Variants in EFL1 observed in about 807,000 individuals in gnomAD.
EFL1 encodes the protein elongation factor like GTPase 1.
In EFL1, 76 loss-of-function variants were observed where a neutral mutation model predicts 126.7. That is an observed-to-expected ratio of 0.60 (90% CI 0.50 to 0.73). The LOEUF is 0.73. Among genes scored for constraint, EFL1 ranks in the 30% least tolerant of loss-of-function variants. The probability of loss-of-function intolerance (pLI) is 0.00; values close to 1 mark genes in which losing one functional copy is unlikely to be tolerated. For synonymous variants in EFL1, 410 were observed against 448.4 expected (o/e 0.91, Z 1.08); for missense variants, 1,128 against 1,343.2 (o/e 0.84, Z 2.50).
chr15:82,218,310 T>G (rs1442023768), intron 14 of EFL1, among the ~76,000 whole-genome samples: 3 of 151,446 alleles, frequency 2.0e-5, no homozygotes, highest in African/African-American at 4.9e-5. Flanking sequence ...ATATTTCAGG[T>G]TTTTTTTTAA....
intron 7 of EFL1, among the ~76,000 whole-genome samples, chr15:82,232,593 T>C (rs1028310017): frequency 3.9e-5 from 6 of 152,250 alleles, no homozygotes; most frequent in Non-Finnish European, 7.3e-5. Flanking sequence ...CAATTATCTA[T>C]ATGAAAATGA....
chr15:82,248,184 G>A (rs1373523942), intron 4 of EFL1, among the ~76,000 whole-genome samples: 4 of 152,172 alleles, frequency 2.6e-5, no homozygotes, highest in East Asian at 3.9e-4. Context: ...GTGAACTATC[G>A]TGTACCTAGT....
chr15:82,251,728 C>A (rs1319129366), intron 4 of EFL1, among the ~76,000 whole-genome samples: 1 of 152,112 alleles, frequency 6.6e-6, no homozygotes. Flanking sequence ...ACAGCCATGC[C>A]CCACACAGTA....
chr15:82,174,737 T>C (rs1316639802), intron 15 of EFL1, among the ~76,000 whole-genome samples: 1 of 152,162 alleles, frequency 6.6e-6, no homozygotes, highest in Non-Finnish European at 1.5e-5. Context: ...TTAGTCCCAC[T>C]GCCAAACCCT....
chr15:82,246,593 G>A (rs1255822357), intron 4 of EFL1, among the ~76,000 whole-genome samples: 8 of 152,044 alleles, frequency 5.3e-5, no homozygotes, highest in Admixed American at 4.6e-4. Context: ...AGACAAGAAA[G>A]ACTTGAGCAT....
intron 15 of EFL1, among the ~76,000 whole-genome samples, chr15:82,196,786 C>A (rs1404992020): frequency 6.6e-6 from 1 of 152,242 alleles, no homozygotes; most frequent in African/African-American, 2.4e-5. Flanking sequence ...GTAATCCCAG[C>A]ACTTTGGGAG....
At chr15:82,133,586 G>A (rs1164988162) in intron 19 of EFL1, among the ~76,000 whole-genome samples, 2 of 152,150 alleles carry the variant, frequency 1.3e-5, no homozygotes, top group African/African-American at 2.4e-5. Flanking sequence ...GGGGAAGGAG[G>A]GGTGAATGGC....
Position 82,173,971 on chromosome 15 carries a change from C to T in EFL1, c.1751-9987G>A, listed in dbSNP as rs145560373. ...TTGGGAGGCCGAAGCAGGCGGATCA[C>T]GAGGTCAGGAGATGGAGACCATCCT... is the stretch of plus-strand genomic sequence containing the variant. On this transcript the variant is annotated intron_variant, in intron 15 of 19. Coordinates refer to ENST00000268206, the MANE Select transcript of EFL1 (RefSeq NM_024580.6). Among the ~76,000 whole-genome samples the T allele has an allele frequency of 4.3e-3, 661 of 152,190 alleles. 4 individuals carry two copies. The highest frequency in any genetic ancestry group is 7.3e-3 in the Admixed American group (111 of 15,282).
At chr15:82,137,410 T>C (rs1222113023) in intron 19 of EFL1, among the ~76,000 whole-genome samples, 2 of 152,086 alleles carry the variant, frequency 1.3e-5, no homozygotes, top group Non-Finnish European at 2.9e-5. Flanking sequence ...CCCTGTGCAA[T>C]GAATGCCACA....
intron 2 of EFL1, 137 bp from the exon 3 acceptor site, chr15:82,259,292 AG>A (rs1446450272): frequency 2.8e-6 from 2 of 724,604 alleles, no homozygotes; most frequent in Non-Finnish European, 4.7e-6. Flanking sequence ...GTGACAAAAG[AG>A]ATTTATTAGA....
At chr15:82,188,270 C>A (rs1380759266) in intron 15 of EFL1, among the ~76,000 whole-genome samples, 2 of 152,100 alleles carry the variant, frequency 1.3e-5, no homozygotes, top group African/African-American at 4.8e-5. Flanking sequence ...GCGTCATTGT[C>A]TTTTAATTAA....
rs1595972470 is a variant in EFL1, at chr15:82,191,196, C to T, written c.1750+23521G>A. ...GCATTATTCACATTGCAGTAAGTTA[C>T]ACCCATTCACTGTAAAAAAGAACAA... On this transcript the variant is annotated intron_variant, in intron 15 of 19. Coordinates refer to ENST00000268206, the MANE Select transcript of EFL1 (RefSeq NM_024580.6). Among the ~76,000 whole-genome samples the T allele has an allele frequency of 2.6e-5, 4 of 152,260 alleles. No homozygotes were observed. The East Asian group carries it at 5.8e-4, about 22-fold the overall frequency.
intron 11 of EFL1, 47 bp downstream of exon 11, chr15:82,227,403 G>C (rs912211271): frequency 1.2e-6 from 2 of 1,613,464 alleles, no homozygotes; most frequent in Non-Finnish European, 1.7e-6. Context: ...CCTGGATGGA[G>C]GACAGTCAAT....
Position 82,151,823 on chromosome 15 carries a change from G to C in EFL1, c.2631C>G (p.Thr877=), listed in dbSNP as rs761306150. 57 of 1,614,084 alleles carry C rather than the reference G, an allele frequency of 3.5e-5. No homozygotes were observed. The East Asian group carries it at 8.7e-4, about 25-fold the overall frequency. ...GCTCCTCACACATGGGGCCAGAGAG[G>C]GTTGCTAGTTGGAAGCCACTCACAA... ...NSIVSGFQLA[T]LSGPMCEEPL... Residue 877 remains threonine, a synonymous_variant, in exon 18 of 20, where the codon ACC becomes ACG. Transcript: ENST00000268206.
chr15:82,227,538 A>G lies in EFL1; in HGVS notation c.1104T>C (p.Asp368=). 6.2e-7 allele frequency: 1 copy of G among 1,614,158 alleles called. No homozygotes were observed. The highest frequency in any genetic ancestry group is 8.5e-7 in the Non-Finnish European group (1 of 1,180,004). The change falls in exon 11 of 20, where the codon GAT becomes GAC. Residue 368 remains aspartate (D), a synonymous_variant. Transcript: ENST00000268206. The stretch of plus-strand genomic sequence containing the variant: ...GTCTCTCCACTCTCTCAGCTGTAAT[A>G]TCAAGGGGACTAGGAAGTTTCTGAC... The part of the protein sequence containing the change: ...MVCQKLPSPL[D]ITAERVERLM...
chr15:82,148,010 A>G (rs1567040442), intron 18 of EFL1, among the ~76,000 whole-genome samples: 1 of 152,196 alleles, frequency 6.6e-6, no homozygotes, highest in Admixed American at 6.5e-5. Flanking sequence ...AATGAGTGGG[A>G]CCAGAAGTGT....
intron 15 of EFL1, among the ~76,000 whole-genome samples, chr15:82,175,539 G>A (rs2074185907): frequency 1.3e-5 from 2 of 152,032 alleles, no homozygotes; most frequent in East Asian, 3.9e-4. Flanking sequence ...AATATGAATG[G>A]GGTTTTATAC....
At chr15:82,252,363 ACATG>A (rs2141339181) in intron 4 of EFL1, among the ~76,000 whole-genome samples, 1 of 152,352 alleles carries the variant, frequency 6.6e-6, no homozygotes, top group East Asian at 1.9e-4. Flanking sequence ...TCCAAATCTA[ACATG>A]CAGGCCAGGC....
chr15:82,206,488 C>T (rs2074526422), intron 15 of EFL1, among the ~76,000 whole-genome samples: 1 of 152,022 alleles, frequency 6.6e-6, no homozygotes, highest in African/African-American at 2.4e-5. Flanking sequence ...AGGAAAGTTA[C>T]TTAATCTTTG....
Sources: allele counts gnomAD v4.1 joint callset (sites outside exome capture counted in the v4.1 genomes callset), GRCh38; gene constraint gnomAD v4.1.1; transcripts MANE v1.5; gene names NCBI Gene and HGNC (gene_info 2026-07-23, HGNC 2026-07-21).